Variants in BABAM2 observed in about 807,000 individuals in gnomAD.
BABAM2 encodes the protein BRISC and BRCA1-A complex member 2.
Under a neutral mutation model 54.7 loss-of-function variants are expected in BABAM2, and 31 were observed. The observed-to-expected ratio is 0.57, with a 90% CI of 0.43 to 0.77. The LOEUF is 0.77. BABAM2 is among the 30% of genes least tolerant of loss of function. The pLI is 0.00. For synonymous variants in BABAM2, 167 were observed against 162.9 expected, an observed-to-expected ratio of 1.03 and a Z score of -0.19; for missense variants, 364 against 455.8, an observed-to-expected ratio of 0.80 and a Z score of 1.83.
intron 5 of BABAM2, among the ~76,000 whole-genome samples, chr2:28,042,246 T>C (rs866853690): frequency 2.0e-5 from 3 of 152,122 alleles, no homozygotes; most frequent in African/African-American, 7.2e-5. Flanking sequence ...ATAAATGAAA[T>C]TTGAATTTAA....
rs918964535 is a variant in BABAM2, at chr2:28,142,859, G to T, written c.680+13479G>T. On this transcript the variant is annotated intron_variant, in intron 7 of 11. Transcript: ENST00000379624. The stretch of plus-strand genomic sequence containing the variant: ...TATTCCTTGAAAAAAACAGATTATG[G>T]AGCATGATATTTTAAAATTTTAGAT... Among the ~76,000 whole-genome samples the T allele has an allele frequency of 5.3e-5, 8 of 151,848 alleles. 1 individual carries two copies. The highest frequency in any genetic ancestry group is 1.3e-4 in the Admixed American group (2 of 15,248).
intron 6 of BABAM2, among the ~76,000 whole-genome samples, chr2:28,060,686 G>A (rs1242686353): frequency 1.3e-5 from 2 of 151,966 alleles, no homozygotes; most frequent in Non-Finnish European, 2.9e-5. Flanking sequence ...TATTTCTATA[G>A]GCTAACAAGT....
chr2:27,972,554 T>C (rs1208878729), intron 3 of BABAM2, among the ~76,000 whole-genome samples: 1 of 152,126 alleles, frequency 6.6e-6, no homozygotes, highest in African/African-American at 2.4e-5. Context: ...GCTAGCCACA[T>C]GTGGTGATGG....
chr2:27,923,197 C>G (rs900451321), intron 2 of BABAM2, among the ~76,000 whole-genome samples: 2 of 152,192 alleles, frequency 1.3e-5, no homozygotes, highest in Non-Finnish European at 2.9e-5. Flanking sequence ...GAAGACTGTT[C>G]ATCAGTATAT....
chr2:27,975,011 A>T (rs1349855533), intron 3 of BABAM2, among the ~76,000 whole-genome samples: 1 of 152,090 alleles, frequency 6.6e-6, no homozygotes, highest in Non-Finnish European at 1.5e-5. Flanking sequence ...AAAAATGCTT[A>T]GTTATAAATC....
rs186711999 is a variant in BABAM2 at position 27,995,163 on chromosome 2, G to T, written c.300+7076G>T. Among the ~76,000 whole-genome samples, 1 of 152,150 alleles carries T rather than the reference G, an allele frequency of 6.6e-6. No individual in the cohort carries two copies. The highest frequency in any genetic ancestry group is 1.5e-5 in the Non-Finnish European group (1 of 68,022). On this transcript the variant is annotated intron_variant, in intron 4 of 11. Coordinates refer to ENST00000379624, the MANE Select transcript of BABAM2 (RefSeq NM_199191.3). This position sits in a 1 kb window ranked among gnomAD's most constrained non-coding sequence, Gnocchi z 4.1. ...AGATGAAGACCTTCACTGGGGTGCT[G>T]TGGGCCAGAATTGGTGCAGGTGGCC...
chr2:28,197,524 A>G (rs1487922496), intron 7 of BABAM2, among the ~76,000 whole-genome samples: 3 of 152,222 alleles, frequency 2.0e-5, no homozygotes, highest in Non-Finnish European at 2.9e-5. Context: ...ACAATGATCT[A>G]GATGTCCTAC....
intron 2 of BABAM2, among the ~76,000 whole-genome samples, chr2:27,909,654 C>T (rs1174435862): frequency 6.6e-6 from 1 of 152,192 alleles, no homozygotes; most frequent in Non-Finnish European, 1.5e-5. Flanking sequence ...GTGCTTTCTT[C>T]CCTAGAAAGG....
intron 11 of BABAM2, among the ~76,000 whole-genome samples, chr2:28,306,914 T>G (rs1202666725): frequency 4.6e-5 from 7 of 151,214 alleles, no homozygotes. Flanking sequence ...GCCAGACTGG[T>G]CTTGAACTCC....
At chr2:28,317,276 C>G (rs555317109) in intron 11 of BABAM2, among the ~76,000 whole-genome samples, 3 of 152,278 alleles carry the variant, frequency 2.0e-5, no homozygotes, top group Admixed American at 6.5e-5. Context: ...TAGCTTTTCA[C>G]CTTGGTTTCA....
intron 11 of BABAM2, among the ~76,000 whole-genome samples, chr2:28,299,877 C>A (rs745802502): frequency 2.0e-5 from 3 of 152,224 alleles, no homozygotes; most frequent in South Asian, 2.1e-4. Flanking sequence ...CCTGACCTCA[C>A]CTATATTTTT....
At chr2:28,120,828 A>G (rs1669004792) in intron 6 of BABAM2, among the ~76,000 whole-genome samples, 1 of 152,216 alleles carries the variant, frequency 6.6e-6, no homozygotes, top group African/African-American at 2.4e-5. Context: ...AGGAATCTTA[A>G]TGGAGCAAGT....
chr2:27,977,478 A>T (rs928491473), intron 3 of BABAM2, among the ~76,000 whole-genome samples: 5 of 152,244 alleles, frequency 3.3e-5, no homozygotes, highest in Admixed American at 2.6e-4. Flanking sequence ...AAGAAGAGGG[A>T]TATGTAGCTT....
intron 7 of BABAM2, among the ~76,000 whole-genome samples, chr2:28,223,250 C>T (rs189429524): frequency 6.6e-6 from 1 of 152,342 alleles, no homozygotes; most frequent in African/African-American, 2.4e-5. Context: ...CTCCTCAATT[C>T]CCTCTTCCCA....
intron 10 of BABAM2, among the ~76,000 whole-genome samples, chr2:28,289,572 T>C (rs925972173): frequency 6.6e-6 from 1 of 152,162 alleles, no homozygotes; most frequent in Non-Finnish European, 1.5e-5. Context: ...GCAGATCACC[T>C]GAGGTCAGAA....
intron 10 of BABAM2, among the ~76,000 whole-genome samples, chr2:28,289,474 C>T (rs963299242): frequency 6.6e-6 from 1 of 152,176 alleles, no homozygotes; most frequent in African/African-American, 2.4e-5. Context: ...GTAATTGCTT[C>T]TGAGTTTTTT....
intron 11 of BABAM2, among the ~76,000 whole-genome samples, chr2:28,309,763 A>G (rs1270787361): frequency 6.6e-6 from 1 of 151,964 alleles, no homozygotes; most frequent in African/African-American, 2.4e-5. Context: ...AGCTGAACCA[A>G]CCTCATCTCA....
At chr2:27,908,865 A>G (rs1246737128) in intron 2 of BABAM2, among the ~76,000 whole-genome samples, 2 of 152,150 alleles carry the variant, frequency 1.3e-5, no homozygotes, top group Admixed American at 6.5e-5. Context: ...GCAAGACACA[A>G]GGGTTTTAAT....
At chr2:28,278,992 G>A (rs112097374) in intron 10 of BABAM2, among the ~76,000 whole-genome samples, 7 of 152,342 alleles carry the variant, frequency 4.6e-5, no homozygotes, top group African/African-American at 1.4e-4. Flanking sequence ...AGGTGAGCCC[G>A]TCCTCTTTTG....
Sources: allele counts gnomAD v4.1 joint callset (sites outside exome capture counted in the v4.1 genomes callset), GRCh38; gene constraint gnomAD v4.1.1; non-coding constraint Gnocchi (gnomAD v3.1); transcripts MANE v1.5; gene names NCBI Gene and HGNC (gene_info 2026-07-23, HGNC 2026-07-21).